The following NOVA2 variants were observed in gnomAD, a reference collection of about 807,000 sequenced individuals.
The protein encoded by NOVA2 is NOVA alternative splicing regulator 2.
NOVA2 carries 9 observed loss-of-function variants against 22.5 expected under a neutral mutation model. The observed-to-expected ratio is 0.40, with a 90% CI of 0.24 to 0.70. The LOEUF (loss-of-function observed/expected upper bound fraction) is 0.70. Ranked by LOEUF, NOVA2 falls within the 30% of genes least tolerant of loss-of-function variation. NOVA2 has a pLI of 0.38. For missense variants in NOVA2, 383 were observed against 682.8 expected, an observed-to-expected ratio of 0.56 and a Z score of 4.89; for synonymous variants, 318 against 335.2, an observed-to-expected ratio of 0.95 and a Z score of 0.56.
intron 2 of NOVA2, among the ~76,000 whole-genome samples, chr19:45,958,530 AGT>A (rs575915684): frequency 1.3e-4 from 17 of 134,358 alleles, no homozygotes; most frequent in South Asian, 1.2e-3. Flanking sequence ...AATGTGTGAC[AGT>A]GTGTGTGACT....
chr19:45,962,088 T>C (rs1188124485), intron 1 of NOVA2, among the ~76,000 whole-genome samples: 1 of 152,120 alleles, frequency 6.6e-6, no homozygotes, highest in Non-Finnish European at 1.5e-5. Context: ...ACTTAGGTTT[T>C]AGGAGGATTC....
rs369079714 is a variant in NOVA2 at position 45,957,671 on chromosome 19, T to G, written c.229+3339A>C. Among the ~76,000 whole-genome samples the G allele has an allele frequency of 1.1e-4, 17 of 152,122 alleles. No homozygotes were observed. The East Asian group carries it at 3.3e-3, about 29-fold the overall frequency. On this transcript the variant is annotated intron_variant, in intron 2 of 3. Transcript: ENST00000263257. ...GCGAGCCACGATCGTGCCACTGCAC[T>G]CCAGCCTGGGTAACAGAGGAAGACC...
intron 1 of NOVA2, among the ~76,000 whole-genome samples, chr19:45,969,019 C>T (rs1017204803): frequency 4.6e-5 from 7 of 151,952 alleles, no homozygotes; most frequent in Non-Finnish European, 8.8e-5. Flanking sequence ...GTTAGCCAGG[C>T]GTGGTGGCAC....
chr19:45,958,572 TGTGAGTGTGA>T (rs1374460392), intron 2 of NOVA2, among the ~76,000 whole-genome samples: 1 of 150,804 alleles, frequency 6.6e-6, no homozygotes, highest in African/African-American at 2.4e-5. Flanking sequence ...GGTGTGAGGG[TGTGAGTGTGA>T]ATGAGTGTGT....
chr19:45,962,829 G>T (rs968601856), intron 1 of NOVA2, among the ~76,000 whole-genome samples: 2 of 151,142 alleles, frequency 1.3e-5, no homozygotes, highest in African/African-American at 4.9e-5. Context: ...TGTATTTTTC[G>T]TAGAGACGGG....
Position 45,973,342 on chromosome 19 carries a change from CG to C in NOVA2, c.9del (p.Glu4ArgfsTer32). 1 of 1,226,584 alleles carries C rather than the reference CG, an allele frequency of 8.2e-7. No homozygotes were observed. 76.0% of individuals were successfully genotyped at this position (1,226,584 alleles called of 1,614,324 possible). On this transcript the variant is annotated frameshift_variant, in exon 1 of 4. Transcript: ENST00000263257. LOFTEE classifies it high-confidence loss of function. ...GGCCTCTTGCGGGAATCCGGGGCCT[CG>C]GGCTCCATGGGGGGGGCCTGGGGCG... MEPEAPDSRKRPL... is the reference protein window; with the variant it reads MEXEAPDSRKRPL...
intron 3 of NOVA2, 33 bp downstream of exon 3, chr19:45,953,747 C>T (rs1249734669): frequency 3.7e-6 from 6 of 1,613,378 alleles, no homozygotes; most frequent in South Asian, 3.3e-5. Context: ...ATGTCAACAG[C>T]TTTACAGCAA....
At chr19:45,964,575 C>CTCTCTCTG in intron 1 of NOVA2, among the ~76,000 whole-genome samples, 1 of 151,014 alleles carries the variant, frequency 6.6e-6, no homozygotes, top group African/African-American at 2.4e-5. Flanking sequence ...CTCTCTCTCT[C>CTCTCTCTG]TCTCTCTCTT....
chr19:45,935,094 A>T lies in NOVA2; in HGVS notation c.*4769T>A. On this transcript the variant is annotated 3_prime_UTR_variant, in exon 4 of 4. Transcript: ENST00000263257. ...GGCCGGTGGTGATGGAGTCACTTAG[A>T]AGATGAGAGGTTGGTGGTTTTGGGG... 1 of 140,746 alleles carries T rather than the reference A, an allele frequency of 7.1e-6. No homozygotes were observed. The highest frequency in any genetic ancestry group is 7.1e-5 in the Admixed American group (1 of 13,998). The allele number at this position is 140,746 out of a possible 1,614,324, so 8.7% of individuals were successfully genotyped here.
intron 2 of NOVA2, among the ~76,000 whole-genome samples, chr19:45,955,614 C>G (rs1967992971): frequency 6.6e-6 from 1 of 152,050 alleles, no homozygotes; most frequent in Non-Finnish European, 1.5e-5. Flanking sequence ...AACCCCAGCA[C>G]TTTGGGAGGC....
rs780346148 is a variant in NOVA2 at position 45,973,383 on chromosome 19, TGCGGCGGCTGCG to T, written c.-44_-33del. 5.0e-6 allele frequency: 3 copies of T among 594,784 alleles called. No individual in the cohort carries two copies. The highest frequency in any genetic ancestry group is 5.0e-5 in the East Asian group (1 of 20,070). 36.8% of individuals were successfully genotyped at this position (594,784 alleles called of 1,614,324 possible). A position where few individuals can be genotyped will look rare whatever the true frequency, so the allele number is the denominator to read the frequency against. On this transcript the variant is annotated 5_prime_UTR_variant, in exon 1 of 4. Transcript: ENST00000263257. Reference sequence around the variant, plus strand: ...GGCCTGGGGCGGCGGCTGCTGCTGCTGCGGCGGCTGCGGCGGCGGCGGCGGCGGCTGCTGTGG... The same window carrying T: ...GGCCTGGGGCGGCGGCTGCTGCTGCTGCGGCGGCGGCGGCGGCTGCTGTGG...
At chr19:45,944,397 G>A (rs1449593193) in intron 3 of NOVA2, among the ~76,000 whole-genome samples, 1 of 152,128 alleles carries the variant, frequency 6.6e-6, no homozygotes, top group Non-Finnish European at 1.5e-5. Flanking sequence ...AGCTGTGATT[G>A]TGCCACTGTA....
chr19:45,958,677 G>A (rs945869973), intron 2 of NOVA2, among the ~76,000 whole-genome samples: 4 of 152,134 alleles, frequency 2.6e-5, no homozygotes, highest in Non-Finnish European at 1.5e-5. Context: ...GTGTGAGTGT[G>A]TGTGCATGCT....
intron 2 of NOVA2, 93 bp downstream of exon 2, chr19:45,960,917 G>T: frequency 7.5e-7 from 1 of 1,336,488 alleles, no homozygotes. Context: ...ACTGTCCTTA[G>T]GGCAGACCTT....
chr19:45,958,422 GTGAA>G (rs1968039470), intron 2 of NOVA2, among the ~76,000 whole-genome samples: 1 of 151,192 alleles, frequency 6.6e-6, no homozygotes, highest in South Asian at 2.1e-4. Context: ...GTGTGTGAGT[GTGAA>G]TGAGTGTGAG....
intron 3 of NOVA2, among the ~76,000 whole-genome samples, chr19:45,944,433 C>A (rs1304505018): frequency 6.6e-6 from 1 of 151,942 alleles, no homozygotes; most frequent in Non-Finnish European, 1.5e-5. Flanking sequence ...CAGAGCAGAC[C>A]CTGTTTCAAA....
intron 1 of NOVA2, among the ~76,000 whole-genome samples, chr19:45,968,097 A>G (rs1035567562): frequency 2.0e-5 from 3 of 152,118 alleles, no homozygotes; most frequent in Admixed American, 1.3e-4. Context: ...GGGGTCATGA[A>G]TGACAAAGGT....
intron 3 of NOVA2, among the ~76,000 whole-genome samples, chr19:45,947,955 G>A (rs900049143): frequency 6.6e-6 from 1 of 152,094 alleles, no homozygotes; most frequent in Non-Finnish European, 1.5e-5. Flanking sequence ...CTGATGCTGG[G>A]CAAGGGACCT....
In NOVA2 at chr19:45,939,227, A is replaced by G. The variant is rs1967702937; in HGVS notation, c.*636T>C. The G allele has an allele frequency of 6.6e-6, 1 of 152,252 alleles. No homozygotes were observed. Among genetic ancestry groups the G allele is most frequent in the Admixed American group, 6.5e-5 (1 of 15,284 alleles). The allele number at this position is 152,252 out of a possible 1,614,324, so 9.4% of individuals were successfully genotyped here. ...AACAAAAGAGTGAACATTCCCACCT[A>G]GGAGGGACAGCTCCAGTGGGAGGAG... On this transcript the variant is annotated 3_prime_UTR_variant, in exon 4 of 4. Coordinates refer to ENST00000263257, the MANE Select transcript of NOVA2 (RefSeq NM_002516.4).
Sources: allele counts gnomAD v4.1 joint callset (sites outside exome capture counted in the v4.1 genomes callset), GRCh38; gene constraint gnomAD v4.1.1; transcripts MANE v1.5; gene names NCBI Gene and HGNC (gene_info 2026-07-23, HGNC 2026-07-21).